The following PKHD1 variants were observed in gnomAD, a reference collection of about 807,000 sequenced individuals.
PKHD1 encodes fibrocystin.
PKHD1 carries 291 observed loss-of-function variants against 412.0 expected under a neutral mutation model. The observed-to-expected ratio is 0.71, with a 90% CI of 0.64 to 0.78. The LOEUF (loss-of-function observed/expected upper bound fraction) is 0.78. Among genes scored for constraint, PKHD1 ranks in the 30% least tolerant of loss-of-function variants. The pLI, the probability that PKHD1 is intolerant of heterozygous loss-of-function variation, is 0.00. For synonymous variants in PKHD1, 1,777 were observed against 1,821.5 expected, an observed-to-expected ratio of 0.98 and a Z score of 0.62; for missense variants, 4,825 against 4,950.7, an observed-to-expected ratio of 0.97 and a Z score of 0.76.
intron 34 of PKHD1, among the ~76,000 whole-genome samples, chr6:52,010,934 G>A (rs535064027): frequency 2.3e-4 from 35 of 152,210 alleles, no homozygotes; most frequent in African/African-American, 8.2e-4. Context: ...CCACACAACT[G>A]GCTAACTGGT....
intron 60 of PKHD1, chr6:51,720,785 G>GTGTGTGTGTGTGTA (rs1167022876): frequency 7.0e-6 from 1 of 142,476 alleles, no homozygotes; most frequent in African/African-American, 2.7e-5. Context: ...GTGTGTGTGT[G>GTGTGTGTGTGTGTA]TATATATATA....
intron 63 of PKHD1, among the ~76,000 whole-genome samples, chr6:51,641,580 A>G (rs929745077): frequency 6.6e-6 from 1 of 152,210 alleles, no homozygotes; most frequent in Non-Finnish European, 1.5e-5. Context: ...GCTACTATAA[A>G]GACACATGCA....
chr6:51,947,832 C>T (rs7744199), intron 36 of PKHD1, among the ~76,000 whole-genome samples: 1 of 152,096 alleles, frequency 6.6e-6, no homozygotes, highest in Non-Finnish European at 1.5e-5. Context: ...ATTCACATAC[C>T]CAACTGCCTA....
intron 24 of PKHD1, 92 bp downstream of exon 24, chr6:52,045,912 G>T: frequency 1.1e-6 from 1 of 871,832 alleles, no homozygotes; most frequent in Non-Finnish European, 1.9e-6. Flanking sequence ...AATAATTCAT[G>T]ACAGTTTCCA....
chr6:51,652,342 A>G (rs1562026806), intron 61 of PKHD1, among the ~76,000 whole-genome samples: 2 of 152,128 alleles, frequency 1.3e-5, no homozygotes, highest in Admixed American at 6.6e-5. Context: ...AGATGGAATT[A>G]TTTCTATTTG....
rs376881116 is a variant in PKHD1 at position 52,028,284 on chromosome 6, G to T, written c.3432C>A (p.His1144Gln). ...GAACCGGAGCCAAGGCATCCTGGAC[G>T]TGGACTTCCACATCCAAATCCGTAT... ...MNYTDLDVEVHVQDALAPVHT... is the reference protein window; with the variant it reads ...MNYTDLDVEVQVQDALAPVHT... Residue 1144 changes from histidine to glutamine, a missense_variant, in exon 30 of 67, where the codon CAC becomes CAA. Transcript: ENST00000371117. 1 of 1,614,144 alleles carries T rather than the reference G, an allele frequency of 6.2e-7. No individual in the cohort carries two copies. The highest frequency in any genetic ancestry group is 8.5e-7 in the Non-Finnish European group (1 of 1,180,022).
chr6:51,981,376 C>G (rs1482930703), intron 35 of PKHD1, among the ~76,000 whole-genome samples: 7 of 128,256 alleles, frequency 5.5e-5, no homozygotes, highest in Non-Finnish European at 1.0e-4. Context: ...TCTCCCTCCA[C>G]GGTCTCCCTC....
intron 34 of PKHD1, 132 bp downstream of exon 34, chr6:52,017,278 C>A (rs887410218): frequency 4.1e-6 from 3 of 739,688 alleles, no homozygotes; most frequent in Admixed American, 1.9e-5. Context: ...ATGGAATGGC[C>A]CCTCCAAGAG....
intron 37 of PKHD1, among the ~76,000 whole-genome samples, chr6:51,922,472 AAGCTGTC>A (rs1305690029): frequency 2.0e-5 from 3 of 152,148 alleles, no homozygotes; most frequent in Non-Finnish European, 4.4e-5. Flanking sequence ...ACTCTCTTCA[AAGCTGTC>A]AGACAGGGAC....
intron 52 of PKHD1, among the ~76,000 whole-genome samples, chr6:51,812,423 G>C (rs1182522798): frequency 6.6e-6 from 1 of 152,146 alleles, no homozygotes; most frequent in Non-Finnish European, 1.5e-5. Context: ...AATTAGCTCA[G>C]GCCACGATGG....
intron 52 of PKHD1, among the ~76,000 whole-genome samples, chr6:51,801,605 T>C (rs1324389211): frequency 2.2e-5 from 3 of 136,400 alleles, no homozygotes; most frequent in Non-Finnish European, 4.7e-5. Flanking sequence ...GCCAGTTTCC[T>C]GACACCCTGA....
chr6:51,739,854 G>A (rs530620838), intron 60 of PKHD1: 8 of 278,616 alleles, frequency 2.9e-5, no homozygotes, highest in Admixed American at 2.7e-4. Flanking sequence ...TCTTTCTGCT[G>A]CCTCCTGACA....
intron 53 of PKHD1, among the ~76,000 whole-genome samples, chr6:51,790,261 T>C (rs1279724366): frequency 6.6e-6 from 1 of 152,254 alleles, no homozygotes; most frequent in Non-Finnish European, 1.5e-5. Flanking sequence ...TCTAAATTAG[T>C]TCCTTTGGAG....
At chr6:51,722,131 C>G in intron 60 of PKHD1, 1 of 1,562,772 alleles carries the variant, frequency 6.4e-7, no homozygotes, top group South Asian at 1.1e-5. Flanking sequence ...ATGAAAATAC[C>G]CCACACCTTG....
intron 65 of PKHD1, among the ~76,000 whole-genome samples, chr6:51,631,938 T>C (rs1431223798): frequency 6.7e-6 from 1 of 150,212 alleles, no homozygotes; most frequent in Non-Finnish European, 1.5e-5. Context: ...TTTTTTTTTT[T>C]CTTTTTTTTT....
rs540597442 is a variant in PKHD1, at chr6:51,991,476, CAT to C, written c.5751+18831_5751+18832del. ...TCTTTTCAAAGGATAACCTACATAA[CAT>C]AGTCCTCACTTAAAAAAATAAAAGT... On this transcript the variant is annotated intron_variant, in intron 35 of 66. Transcript: ENST00000371117. Among the ~76,000 whole-genome samples the C allele has an allele frequency of 2.1e-3, 325 of 152,298 alleles. 2 individuals carry two copies. Among genetic ancestry groups the C allele is most frequent in the African/African-American group, 7.4e-3 (309 of 41,564 alleles).
chr6:51,635,958 G>T (rs921833513), intron 64 of PKHD1, among the ~76,000 whole-genome samples: 1 of 151,206 alleles, frequency 6.6e-6, no homozygotes, highest in African/African-American at 2.4e-5. Flanking sequence ...GAACCCCACG[G>T]CACCAAGAAA....
intron 5 of PKHD1, among the ~76,000 whole-genome samples, chr6:52,079,101 A>T (rs1582137646): frequency 6.6e-6 from 1 of 152,240 alleles, no homozygotes; most frequent in African/African-American, 2.4e-5. Context: ...GTGAAGGGCA[A>T]CCACATCGAC....
At chr6:51,790,450 C>G (rs1370802756) in intron 53 of PKHD1, among the ~76,000 whole-genome samples, 1 of 152,158 alleles carries the variant, frequency 6.6e-6, no homozygotes, top group Non-Finnish European at 1.5e-5. Flanking sequence ...CACTTCCCAG[C>G]AAGAGGAGCC....
Sources: gnomAD v4.1 joint callset for allele counts (sites outside exome capture counted in the v4.1 genomes callset) on GRCh38, gnomAD v4.1.1 for gene constraint, MANE v1.5 for transcripts, NCBI Gene and HGNC (gene_info 2026-07-23, HGNC 2026-07-21) for gene names.